The following PER3 variants were observed in gnomAD, a reference collection of about 807,000 sequenced individuals.
The protein encoded by PER3 is period circadian protein homolog 3.
PER3 carries 107 observed loss-of-function variants against 127.2 expected under a neutral mutation model. That is an observed-to-expected ratio of 0.84 (90% CI 0.72 to 0.99). PER3 has a LOEUF of 0.99. Ranked by LOEUF, PER3 falls within the 50% of genes least tolerant of loss-of-function variation. PER3 has a pLI of 0.00. For synonymous variants in PER3, 618 were observed against 585.8 expected, an observed-to-expected ratio of 1.05 and a Z score of -0.79; for missense variants, 1,560 against 1,525.8, an observed-to-expected ratio of 1.02 and a Z score of -0.37.
At chr1:7,811,517 A>C (rs994545479) in intron 13 of PER3, 11 of 152,390 alleles carry the variant, frequency 7.2e-5, no homozygotes, top group African/African-American at 2.4e-4. Flanking sequence ...GTCCAAGATC[A>C]GGGCACCGGC....
At chr1:7,789,769 G>A (rs1005287599) in intron 5 of PER3, among the ~76,000 whole-genome samples, 13 of 152,106 alleles carry the variant, frequency 8.5e-5, no homozygotes, top group South Asian at 2.1e-4. Flanking sequence ...GTAGCTTTGC[G>A]TGTTTCTTCT....
chr1:7,812,125 C>G (rs2097221576), intron 13 of PER3, among the ~76,000 whole-genome samples: 1 of 152,202 alleles, frequency 6.6e-6, no homozygotes. Context: ...CTGCTCACAG[C>G]TGCCTGGGCC....
At chr1:7,825,827 G>A (rs927657439) in intron 16 of PER3, among the ~76,000 whole-genome samples, 1 of 151,372 alleles carries the variant, frequency 6.6e-6, no homozygotes, top group African/African-American at 2.4e-5. Context: ...GGAAGCAGAG[G>A]TTGCAGTGAG....
intron 19 of PER3, among the ~76,000 whole-genome samples, chr1:7,831,318 C>T (rs12130462): frequency 0.16 from 23,907 of 152,164 alleles, 2,134 homozygotes; most frequent in Admixed American, 0.19. Flanking sequence ...ATTTTGCAGT[C>T]TTGCTAAACT....
At chr1:7,824,227 A>T in intron 16 of PER3, among the ~76,000 whole-genome samples, 1 of 152,252 alleles carries the variant, frequency 6.6e-6, no homozygotes, top group East Asian at 1.9e-4. Context: ...TCAGCAAAAG[A>T]AGTGAAATAA....
At chr1:7,832,694 T>A (rs2097338229) in intron 19 of PER3, among the ~76,000 whole-genome samples, 1 of 136,944 alleles carries the variant, frequency 7.3e-6, no homozygotes, top group African/African-American at 2.8e-5. Context: ...TTTTATTACT[T>A]CTTTTCTCTT....
Position 7,820,648 on chromosome 1 carries a change from A to G in PER3, c.1957+8A>G, listed in dbSNP as rs1264894279. 1 of 1,592,778 alleles carries G rather than the reference A, an allele frequency of 6.3e-7. No individual in the cohort carries two copies. Among genetic ancestry groups the G allele is most frequent in the Middle Eastern group, 1.7e-4 (1 of 5,994 alleles). On this transcript the variant is annotated splice_region_variant and intron_variant, in intron 16 of 21. Coordinates refer to ENST00000377532, the MANE Select transcript of PER3 (RefSeq NM_001377275.1). ...TCCCACCCCCAGAGACAGGTACCAC[A>G]CTCGCCTCTTACTTTGAAAATATAC...
intron 2 of PER3, 79 bp downstream of exon 2, chr1:7,785,084 T>C (rs2097079860): frequency 2.1e-6 from 3 of 1,462,768 alleles, no homozygotes; most frequent in Non-Finnish European, 2.8e-6. Flanking sequence ...ACCTAAATCT[T>C]TTTATTCTTT....
intron 6 of PER3, among the ~76,000 whole-genome samples, chr1:7,798,111 C>T (rs1033109387): frequency 4.6e-5 from 7 of 152,144 alleles, no homozygotes; most frequent in Admixed American, 3.9e-4. Context: ...TAGAAAGGGA[C>T]GACTGAGAAC....
chr1:7,836,198 G>T (rs1577967651), intron 20 of PER3, among the ~76,000 whole-genome samples: 2 of 151,980 alleles, frequency 1.3e-5, no homozygotes, highest in East Asian at 3.9e-4. Flanking sequence ...GGGTTTGTTT[G>T]TGACAGAGTC....
intron 13 of PER3, among the ~76,000 whole-genome samples, chr1:7,816,079 A>G (rs1256926162): frequency 6.6e-6 from 1 of 151,854 alleles, no homozygotes; most frequent in African/African-American, 2.4e-5. Context: ...AACACTGCTT[A>G]AAGGGAAATT....
chr1:7,815,371 A>G (rs1411133543), intron 13 of PER3, among the ~76,000 whole-genome samples: 6 of 152,234 alleles, frequency 3.9e-5, no homozygotes, highest in Admixed American at 2.6e-4. Flanking sequence ...GTTAAAAGCA[A>G]AAGAGTAGAA....
chr1:7,820,442 C>A, intron 15 of PER3, 25 bp from the exon 16 acceptor site: 1 of 1,578,880 alleles, frequency 6.3e-7, no homozygotes, highest in Non-Finnish European at 8.6e-7. Context: ...TTTCTTTTCA[C>A]TGTCAGTTTC....
intron 11 of PER3, 124 bp downstream of exon 11, chr1:7,809,122 AT>A (rs2097208190): frequency 3.5e-6 from 2 of 572,028 alleles, no homozygotes; most frequent in Non-Finnish European, 6.2e-6. Flanking sequence ...CATTCCAGAA[AT>A]TTTTGTCTTT....
At chr1:7,839,846 G>A (rs189282317) in intron 21 of PER3, among the ~76,000 whole-genome samples, 37 of 151,822 alleles carry the variant, frequency 2.4e-4, no homozygotes, top group African/African-American at 8.9e-4. Flanking sequence ...TAATTATAGT[G>A]TGGATCTCCG....
chr1:7,785,547 G>T lies in PER3; in HGVS notation c.235G>T (p.Ala79Ser), dbSNP rs761788398. ...ERRNKPSTLD[A>S]LNYALRCVHS... ...ACGCAATAAACCAAGCACTCTAGAT[G>T]CCCTCAACTATGCTCTCCGCTGTGT... is the stretch of plus-strand genomic sequence containing the variant. Residue 79 changes from alanine to serine, a missense_variant, in exon 3 of 22, where the codon GCC becomes TCC. Transcript: ENST00000377532. 8.1e-6 allele frequency: 13 copies of T among 1,613,612 alleles called. No homozygotes were observed. Among genetic ancestry groups the T allele is most frequent in the Non-Finnish European group, 1.7e-6 (2 of 1,179,720 alleles).
At chr1:7,788,756 TAGTC>T (rs1187049811) in intron 5 of PER3, among the ~76,000 whole-genome samples, 5 of 152,014 alleles carry the variant, frequency 3.3e-5, no homozygotes, top group Admixed American at 6.6e-5. Context: ...GTACAAAAAT[TAGTC>T]AGGCATGGTA....
chr1:7,833,492 T>C (rs1416406957), intron 19 of PER3, among the ~76,000 whole-genome samples: 1 of 152,236 alleles, frequency 6.6e-6, no homozygotes, highest in Non-Finnish European at 1.5e-5. Context: ...GATGAATTGC[T>C]CTCTTTATCC....
intron 8 of PER3, among the ~76,000 whole-genome samples, chr1:7,801,692 T>C (rs1357761015): frequency 6.6e-6 from 1 of 152,200 alleles, no homozygotes; most frequent in Non-Finnish European, 1.5e-5. Context: ...CCTTCCTACT[T>C]TTGGGGGATG....
Sources: allele counts gnomAD v4.1 joint callset (sites outside exome capture counted in the v4.1 genomes callset), GRCh38; gene constraint gnomAD v4.1.1; transcripts MANE v1.5; gene names NCBI Gene and HGNC (gene_info 2026-07-23, HGNC 2026-07-21).